PKN2: variants seen among roughly 807,000 people sequenced by gnomAD.
PKN2 encodes serine/threonine-protein kinase N2.
Under a neutral mutation model 119.1 loss-of-function variants are expected in PKN2, and 38 were observed. The observed-to-expected ratio is 0.32, with a 90% CI of 0.25 to 0.42. PKN2 has a LOEUF of 0.42. Ranked by LOEUF, PKN2 falls within the 10% of genes least tolerant of loss-of-function variation. The pLI is 1.00. For missense variants in PKN2, 850 were observed against 1,165.1 expected, an observed-to-expected ratio of 0.73 and a Z score of 3.94; for synonymous variants, 390 against 384.9, an observed-to-expected ratio of 1.01 and a Z score of -0.15.
At chr1:88,824,226 C>A in intron 17 of PKN2, 84 bp from the exon 18 acceptor site, 2 of 676,186 alleles carry the variant, frequency 3.0e-6, no homozygotes, top group South Asian at 1.8e-5. Flanking sequence ...AACACAGTTC[C>A]AATTGCAATT....
chr1:88,699,620 G>T (rs1177809913), intron 1 of PKN2, among the ~76,000 whole-genome samples: 1 of 151,918 alleles, frequency 6.6e-6, no homozygotes, highest in African/African-American at 2.4e-5. Context: ...TGTTTCCCTC[G>T]ATGAGTCCAT....
intron 16 of PKN2, 58 bp from the exon 17 acceptor site, chr1:88,821,883 C>G: frequency 7.6e-7 from 1 of 1,307,672 alleles, no homozygotes; most frequent in Non-Finnish European, 1.0e-6. Context: ...AACATATAAG[C>G]TGGGATTCAA....
chr1:88,821,814 A>C, intron 16 of PKN2, 127 bp from the exon 17 acceptor site: 1 of 695,742 alleles, frequency 1.4e-6, no homozygotes, highest in Non-Finnish European at 2.2e-6. Flanking sequence ...TGTGATACAT[A>C]GTAGGGACTA....
At chr1:88,718,130 G>C (rs1313171351) in intron 1 of PKN2, among the ~76,000 whole-genome samples, 1 of 152,206 alleles carries the variant, frequency 6.6e-6, no homozygotes, top group East Asian at 1.9e-4. Context: ...ATCGGAGGCT[G>C]CAGAACAGCA....
chr1:88,749,731 T>TA (rs1668912264), intron 2 of PKN2, among the ~76,000 whole-genome samples: 2 of 152,214 alleles, frequency 1.3e-5, no homozygotes, highest in Non-Finnish European at 2.9e-5. Flanking sequence ...AGTTTATTTT[T>TA]AAAATAGTAA....
intron 15 of PKN2, 96 bp downstream of exon 15, chr1:88,807,871 G>A: frequency 1.4e-6 from 1 of 689,890 alleles, no homozygotes; most frequent in African/African-American, 1.8e-5. Context: ...TGATTTTACA[G>A]TAATATGTGA....
intron 2 of PKN2, among the ~76,000 whole-genome samples, chr1:88,742,789 T>A (rs1341944426): frequency 6.6e-6 from 1 of 152,066 alleles, no homozygotes; most frequent in Admixed American, 6.6e-5. Context: ...TTTAGAGAAA[T>A]TTTCCTCCTC....
At chr1:88,723,495 C>G (rs977167960) in intron 1 of PKN2, among the ~76,000 whole-genome samples, 2 of 148,230 alleles carry the variant, frequency 1.3e-5, no homozygotes, top group Admixed American at 1.4e-4. Flanking sequence ...GGTCTCGGCT[C>G]ACTGCAACCT....
intron 1 of PKN2, among the ~76,000 whole-genome samples, chr1:88,739,104 G>A (rs530989004): frequency 2.6e-5 from 4 of 152,216 alleles, no homozygotes; most frequent in Non-Finnish European, 5.9e-5. Context: ...CCTAGGATCC[G>A]TGGAACCTGG....
chr1:88,722,626 A>G (rs1008687791), intron 1 of PKN2, among the ~76,000 whole-genome samples: 1 of 152,002 alleles, frequency 6.6e-6, no homozygotes, highest in African/African-American at 2.4e-5. Flanking sequence ...AAAAAAATTT[A>G]AAGAAATAGC....
intron 1 of PKN2, among the ~76,000 whole-genome samples, chr1:88,733,809 C>T (rs1365815138): frequency 6.6e-6 from 1 of 152,034 alleles, no homozygotes; most frequent in Non-Finnish European, 1.5e-5. Context: ...TTGAGCATTC[C>T]AAATCAAATT....
At chr1:88,728,031 T>C (rs866778123) in intron 1 of PKN2, among the ~76,000 whole-genome samples, 50 of 151,490 alleles carry the variant, frequency 3.3e-4, no homozygotes, top group African/African-American at 1.1e-3. Flanking sequence ...TTTTTTTTTT[T>C]TTTATTCTTT....
intron 1 of PKN2, among the ~76,000 whole-genome samples, chr1:88,714,005 G>A (rs532137741): frequency 3.2e-4 from 48 of 152,282 alleles, no homozygotes; most frequent in African/African-American, 9.9e-4. Context: ...CATATGGCTA[G>A]CCAGTTTTCC....
intron 1 of PKN2, among the ~76,000 whole-genome samples, chr1:88,732,621 ATAT>A (rs933529240): frequency 6.6e-6 from 1 of 152,310 alleles, no homozygotes; most frequent in South Asian, 2.1e-4. Flanking sequence ...TGCATTGAAC[ATAT>A]TATTAATTTT....
At chr1:88,706,290 C>G (rs1038357814) in intron 1 of PKN2, among the ~76,000 whole-genome samples, 8 of 152,030 alleles carry the variant, frequency 5.3e-5, no homozygotes, top group Non-Finnish European at 1.0e-4. Flanking sequence ...TCTGATCATT[C>G]CTAGTATATA....
Position 88,721,394 on chromosome 1 carries a change from A to T in PKN2, c.49-19594A>T, listed in dbSNP as rs76125775. On this transcript the variant is annotated intron_variant, in intron 1 of 21. Transcript: ENST00000370521. ...TGTTCTTAAGGGTCTCAGTTAAATT[A>T]TATTGGTTAGTAATAGGTATACGGA... is the stretch of plus-strand genomic sequence containing the variant. 4.8e-3 allele frequency among the ~76,000 whole-genome samples: 729 copies of T among 152,200 alleles called. 3 individuals are homozygous for T. The highest frequency in any genetic ancestry group is 0.017 in the African/African-American group (685 of 41,512).
At chr1:88,728,198 G>A (rs1355874747) in intron 1 of PKN2, among the ~76,000 whole-genome samples, 3 of 151,938 alleles carry the variant, frequency 2.0e-5, no homozygotes, top group Non-Finnish European at 2.9e-5. Flanking sequence ...GTGTTTAGTT[G>A]AATTTATGTG....
chr1:88,785,236 C>G (rs559224439), intron 7 of PKN2, among the ~76,000 whole-genome samples: 4 of 152,118 alleles, frequency 2.6e-5, no homozygotes, highest in Admixed American at 1.3e-4. Flanking sequence ...TTAAGTGATC[C>G]TCCTACCTCA....
chr1:88,727,906 C>T (rs1336610575), intron 1 of PKN2, among the ~76,000 whole-genome samples: 1 of 152,082 alleles, frequency 6.6e-6, no homozygotes, highest in Non-Finnish European at 1.5e-5. Flanking sequence ...AGGTAGGAAG[C>T]ATCTGAGATG....
Sources: gnomAD v4.1 joint callset for allele counts (sites outside exome capture counted in the v4.1 genomes callset) on GRCh38, gnomAD v4.1.1 for gene constraint, MANE v1.5 for transcripts, NCBI Gene and HGNC (gene_info 2026-07-23, HGNC 2026-07-21) for gene names.